The following HS3ST5 variants were observed in gnomAD, a reference collection of about 807,000 sequenced individuals.
HS3ST5 encodes heparan sulfate-glucosamine 3-sulfotransferase 5.
HS3ST5 carries 10 observed loss-of-function variants against 25.4 expected under a neutral mutation model. The ratio of observed to expected loss-of-function variants is 0.39; its 90% CI spans 0.24 to 0.67. The LOEUF (loss-of-function observed/expected upper bound fraction) is 0.67, where lower values mean the gene tolerates loss of function less well. HS3ST5 is among the 30% of genes least tolerant of loss of function. The pLI, the probability that HS3ST5 is intolerant of heterozygous loss-of-function variation, is 0.44. For missense variants in HS3ST5, 324 were observed against 420.7 expected (o/e 0.77, Z 2.01); for synonymous variants, 170 against 162.4 (o/e 1.05, Z -0.36).
chr6:114,079,409 A>G (rs1178352700), intron 3 of HS3ST5, among the ~76,000 whole-genome samples: 1 of 152,250 alleles, frequency 6.6e-6, no homozygotes, highest in African/African-American at 2.4e-5. Context: ...ATTCCATTTC[A>G]AGAAACCATT....
intron 1 of HS3ST5, among the ~76,000 whole-genome samples, chr6:114,333,214 C>T (rs1188169995): frequency 6.6e-6 from 1 of 152,148 alleles, no homozygotes. Flanking sequence ...AGGATTGTCA[C>T]ATCTTGGTGA....
chr6:114,136,584 T>C lies in HS3ST5; in HGVS notation c.-33+31767A>G, dbSNP rs533247024. On this transcript the variant is annotated intron_variant, in intron 3 of 4. Coordinates refer to ENST00000312719, the MANE Select transcript of HS3ST5 (RefSeq NM_153612.4). Reference sequence around the variant, plus strand: ...CATGTTTTTGTTGTATTGAAGTGAATTGGGCATTAACTTGAAATCCTTCAG... The same window carrying C: ...CATGTTTTTGTTGTATTGAAGTGAACTGGGCATTAACTTGAAATCCTTCAG... 3.9e-5 allele frequency among the ~76,000 whole-genome samples: 6 copies of C among 152,160 alleles called. No individual in the cohort carries two copies. In the South Asian group the frequency reaches 1.0e-3, roughly 26 times the overall value.
At chr6:114,108,589 C>T (rs1776106938) in intron 3 of HS3ST5, among the ~76,000 whole-genome samples, 1 of 152,106 alleles carries the variant, frequency 6.6e-6, no homozygotes, top group Admixed American at 6.5e-5. Flanking sequence ...ACCGACAAAG[C>T]TCAACATGCT....
At chr6:114,301,013 C>T (rs1305578822) in intron 1 of HS3ST5, among the ~76,000 whole-genome samples, 1 of 152,090 alleles carries the variant, frequency 6.6e-6, no homozygotes, top group East Asian at 1.9e-4. Flanking sequence ...GTGGGGGAGT[C>T]TGAAAAGTGA....
At chr6:114,208,141 A>T (rs1367696013) in intron 2 of HS3ST5, among the ~76,000 whole-genome samples, 1 of 152,182 alleles carries the variant, frequency 6.6e-6, no homozygotes, top group Non-Finnish European at 1.5e-5. Context: ...CCAACTGAAA[A>T]CTTAATCATT....
chr6:114,116,566 T>C (rs966653255), intron 3 of HS3ST5, among the ~76,000 whole-genome samples: 1 of 152,176 alleles, frequency 6.6e-6, no homozygotes, highest in Admixed American at 6.6e-5. Context: ...GTTTCAGCAG[T>C]ATCTCCAAGA....
chr6:114,179,654 GTT>G (rs5879251), intron 2 of HS3ST5, among the ~76,000 whole-genome samples: 1,547 of 91,638 alleles, frequency 0.017, 35 homozygotes, highest in South Asian at 0.093. Flanking sequence ...ATTAGTCAGG[GTT>G]TTTTTTTTTT....
intron 1 of HS3ST5, among the ~76,000 whole-genome samples, chr6:114,294,507 G>A (rs895374168): frequency 9.4e-5 from 14 of 148,246 alleles, no homozygotes; most frequent in African/African-American, 3.2e-4. Flanking sequence ...GTGCTGTGGC[G>A]TGATCTCCGC....
chr6:114,330,012 G>C (rs1201068003), intron 1 of HS3ST5, among the ~76,000 whole-genome samples: 1 of 152,276 alleles, frequency 6.6e-6, no homozygotes, highest in Non-Finnish European at 1.5e-5. Flanking sequence ...TCTTCTTCCT[G>C]CTACTCCCTC....
At chr6:114,112,958 T>C (rs1253122529) in intron 3 of HS3ST5, among the ~76,000 whole-genome samples, 2 of 152,206 alleles carry the variant, frequency 1.3e-5, no homozygotes, top group Admixed American at 6.5e-5. Context: ...ATCTCTTCCA[T>C]TGAGTCCTGG....
rs144242499 is a variant in HS3ST5, at chr6:114,209,979, A to T, written c.-145+18606T>A. On this transcript the variant is annotated intron_variant, in intron 2 of 4. Coordinates refer to ENST00000312719, the MANE Select transcript of HS3ST5 (RefSeq NM_153612.4). ...AAAAATCTATTAAAATTATTACTCA[A>T]ATAGAATTTTGACACCATACCAGGT... Among the ~76,000 whole-genome samples the T allele has an allele frequency of 5.7e-3, 872 of 152,268 alleles. 8 individuals are homozygous for T. Among genetic ancestry groups the T allele is most frequent in the African/African-American group, 0.02 (838 of 41,562 alleles).
At chr6:114,313,544 T>C (rs1161538929) in intron 1 of HS3ST5, among the ~76,000 whole-genome samples, 1 of 152,212 alleles carries the variant, frequency 6.6e-6, no homozygotes, top group Non-Finnish European at 1.5e-5. Context: ...ATGAGCTGGC[T>C]GGATTTAAAA....
intron 3 of HS3ST5, among the ~76,000 whole-genome samples, chr6:114,154,370 G>T (rs1778598794): frequency 6.6e-6 from 1 of 152,114 alleles, no homozygotes; most frequent in Non-Finnish European, 1.5e-5. Context: ...GTAAAATTTG[G>T]ATTGAGACTG....
chr6:114,183,769 G>C (rs1033030801), intron 2 of HS3ST5, among the ~76,000 whole-genome samples: 2 of 152,156 alleles, frequency 1.3e-5, no homozygotes, highest in African/African-American at 4.8e-5. Context: ...AAAAAGGAGA[G>C]ATGTAGAGGA....
At position 114,324,382 on chromosome 6, in the gene HS3ST5, TTCA is replaced by T. The variant is rs1275161467; in HGVS notation, c.-339+17810_-339+17812del. On this transcript the variant is annotated intron_variant, in intron 1 of 4. Coordinates refer to ENST00000312719, the MANE Select transcript of HS3ST5 (RefSeq NM_153612.4). ...TTCTAGTTTCAGCTCATCACTTTTCTTCATCATTTACACATGGCTTTTGACTTT... is the reference window on the plus strand; with the variant it reads ...TTCTAGTTTCAGCTCATCACTTTTCTTCATTTACACATGGCTTTTGACTTT... Among the ~76,000 whole-genome samples, 4 of 152,346 alleles carry T rather than the reference TTCA, an allele frequency of 2.6e-5. No homozygotes were observed. In the East Asian group the frequency reaches 7.7e-4, roughly 29 times the overall value.
chr6:114,243,070 T>G (rs1318479213), intron 1 of HS3ST5, among the ~76,000 whole-genome samples: 2 of 152,124 alleles, frequency 1.3e-5, no homozygotes, highest in African/African-American at 4.8e-5. Context: ...GGATGAGAGA[T>G]ATGTAGAGCA....
At chr6:114,135,158 A>G (rs764423439) in intron 3 of HS3ST5, among the ~76,000 whole-genome samples, 2 of 152,364 alleles carry the variant, frequency 1.3e-5, no homozygotes, top group Non-Finnish European at 2.9e-5. Context: ...GAGCCACTGC[A>G]GATACCTGCA....
rs368835106 is a variant in HS3ST5, at chr6:114,229,446, T to G, written c.-338-668A>C. Among the ~76,000 whole-genome samples the G allele has an allele frequency of 7.9e-4, 120 of 152,312 alleles. 1 individual carries two copies. The highest frequency in any genetic ancestry group is 3.4e-3 in the Middle Eastern group (1 of 294). Reference sequence around the variant, plus strand: ...GAAATGAAATGTACAGATAAATACATGGTCAAAACTAAGATGACAAGAGCA... The same window carrying G: ...GAAATGAAATGTACAGATAAATACAGGGTCAAAACTAAGATGACAAGAGCA... On this transcript the variant is annotated intron_variant, in intron 1 of 4. Transcript: ENST00000312719.
At chr6:114,214,660 A>G (rs6915954) in intron 2 of HS3ST5, among the ~76,000 whole-genome samples, 63,820 of 152,112 alleles carry the variant, frequency 0.42, 14,516 homozygotes, top group South Asian at 0.65. Flanking sequence ...TGTATGCCAC[A>G]CAGAATTTTA....
Sources: gnomAD v4.1 joint callset for allele counts (sites outside exome capture counted in the v4.1 genomes callset) on GRCh38, gnomAD v4.1.1 for gene constraint, MANE v1.5 for transcripts, NCBI Gene and HGNC (gene_info 2026-07-23, HGNC 2026-07-21) for gene names.